Variants in DNER observed in about 807,000 individuals in gnomAD.
The protein encoded by DNER is delta and Notch-like epidermal growth factor-related receptor.
Under a neutral mutation model 78.2 loss-of-function variants are expected in DNER, and 33 were observed. That is an observed-to-expected ratio of 0.42 (90% CI 0.32 to 0.56). The LOEUF is 0.56. DNER is among the 20% of genes least tolerant of loss of function. The pLI, the probability that DNER is intolerant of heterozygous loss-of-function variation, is 0.11. For missense variants in DNER, 918 were observed against 975.3 expected, an observed-to-expected ratio of 0.94 and a Z score of 0.78; for synonymous variants, 417 against 384.8, an observed-to-expected ratio of 1.08 and a Z score of -0.98.
At chr2:229,616,137 G>T (rs891419329) in intron 1 of DNER, among the ~76,000 whole-genome samples, 7 of 152,178 alleles carry the variant, frequency 4.6e-5, no homozygotes, top group African/African-American at 1.4e-4. Context: ...TTTTGCTGCA[G>T]CTAGTTGGTT....
intron 7 of DNER, among the ~76,000 whole-genome samples, chr2:229,472,925 G>A (rs1419564566): frequency 6.6e-6 from 1 of 152,186 alleles, no homozygotes; most frequent in Non-Finnish European, 1.5e-5. Flanking sequence ...TGTCCTGAAG[G>A]AGCGCAGCTA....
intron 11 of DNER, among the ~76,000 whole-genome samples, chr2:229,368,618 G>A (rs1446261745): frequency 6.6e-6 from 1 of 152,224 alleles, no homozygotes; most frequent in South Asian, 2.1e-4. Context: ...ACATTGAAAA[G>A]GTCAAAAGGA....
intron 4 of DNER, among the ~76,000 whole-genome samples, chr2:229,581,890 T>A (rs893705909): frequency 9.2e-5 from 14 of 152,180 alleles, no homozygotes; most frequent in African/African-American, 3.4e-4. Context: ...TTTTATTTAT[T>A]TATTTATTAT....
At chr2:229,389,100 A>C (rs1050456411) in intron 10 of DNER, among the ~76,000 whole-genome samples, 1 of 152,058 alleles carries the variant, frequency 6.6e-6, no homozygotes, top group African/African-American at 2.4e-5. Flanking sequence ...GGGTTAGTCT[A>C]AACCTGACCT....
At position 229,684,165 on chromosome 2, in the gene DNER, A is replaced by AGTGT. The variant is rs1392061568; in HGVS notation, c.276+29982_276+29983insACAC. Reference sequence around the variant, plus strand: ...GTATGTGAGAGAGAGAGAGAGAGAGAGAGAGTGTGTGTGTGTGTGTGTGTG... The same window carrying AGTGT: ...GTATGTGAGAGAGAGAGAGAGAGAGAGTGTGAGAGTGTGTGTGTGTGTGTGTGTG... On this transcript the variant is annotated intron_variant, in intron 1 of 12. Transcript: ENST00000341772. Among the ~76,000 whole-genome samples, 1,010 of 116,822 alleles carry AGTGT rather than the reference A, an allele frequency of 8.6e-3. 7 individuals carry two copies. Among genetic ancestry groups the AGTGT allele is most frequent in the South Asian group, 0.025 (80 of 3,168 alleles). The allele number at this position is 116,822 out of a possible 152,430, so 76.6% of individuals were successfully genotyped here.
chr2:229,641,091 G>C (rs573583574), intron 1 of DNER, among the ~76,000 whole-genome samples: 1 of 152,292 alleles, frequency 6.6e-6, no homozygotes, highest in Admixed American at 6.5e-5. Flanking sequence ...ACAGATGCAG[G>C]AGGAATAAAT....
chr2:229,412,040 C>G (rs1411438876), intron 9 of DNER, among the ~76,000 whole-genome samples: 1 of 151,650 alleles, frequency 6.6e-6, no homozygotes, highest in Non-Finnish European at 1.5e-5. Flanking sequence ...ATTGTATCAC[C>G]AAAAATTTCA....
rs948108121 is a variant in DNER at position 229,470,433 on chromosome 2, C to A, written c.1261+6707G>T. On this transcript the variant is annotated intron_variant, in intron 7 of 12. Transcript: ENST00000341772. ...CCCAGTGCTAATGAAAAAAAGCAGGCAACTAAAATTCCTTGCTGCATTTTT... is the reference window on the plus strand; with the variant it reads ...CCCAGTGCTAATGAAAAAAAGCAGGAAACTAAAATTCCTTGCTGCATTTTT... Among the ~76,000 whole-genome samples the A allele has an allele frequency of 2.0e-5, 3 of 152,080 alleles. No homozygotes were observed. In the South Asian group the frequency reaches 6.2e-4, roughly 32 times the overall value.
At chr2:229,432,811 A>G (rs1189194814) in intron 8 of DNER, among the ~76,000 whole-genome samples, 1 of 152,212 alleles carries the variant, frequency 6.6e-6, no homozygotes, top group Non-Finnish European at 1.5e-5. Context: ...CCACTAAGCT[A>G]TAGAATAGAA....
intron 10 of DNER, among the ~76,000 whole-genome samples, chr2:229,403,693 C>A (rs1693319460): frequency 6.6e-6 from 1 of 151,834 alleles, no homozygotes; most frequent in African/African-American, 2.4e-5. Context: ...GGGTGGGTCT[C>A]ATGAAAAAAT....
At chr2:229,708,908 G>A (rs1400476942) in intron 1 of DNER, among the ~76,000 whole-genome samples, 9 of 152,020 alleles carry the variant, frequency 5.9e-5, no homozygotes, top group East Asian at 3.8e-4. Context: ...CAAAAATTTC[G>A]ACAAGTTTTT....
At chr2:229,690,135 G>T (rs1699544328) in intron 1 of DNER, among the ~76,000 whole-genome samples, 1 of 152,130 alleles carries the variant, frequency 6.6e-6, no homozygotes, top group Non-Finnish European at 1.5e-5. Flanking sequence ...CCACTTGGGG[G>T]TTTCCTTTTG....
In DNER at chr2:229,714,441, CG is replaced by C; in HGVS notation, c.-19del. The C allele has an allele frequency of 8.9e-7, 1 of 1,121,722 alleles. No homozygotes were observed. Among genetic ancestry groups the C allele is most frequent in the East Asian group, 5.2e-5 (1 of 19,098 alleles). 69.5% of individuals were successfully genotyped at this position (1,121,722 alleles called of 1,614,324 possible). A position where few individuals can be genotyped will look rare whatever the true frequency, so the allele number is the denominator to read the frequency against. ...GGCTGCATGGCCGGCCGGGAGGGCG[CG>C]GGAGCCGGAGCCAGGACGCAGTGAC... On this transcript the variant is annotated 5_prime_UTR_variant, in exon 1 of 13. Transcript: ENST00000341772.
intron 6 of DNER, among the ~76,000 whole-genome samples, chr2:229,493,888 A>G (rs1029035225): frequency 6.6e-6 from 1 of 152,196 alleles, no homozygotes; most frequent in African/African-American, 2.4e-5. Flanking sequence ...TAAGAGTGGC[A>G]GCAGGATTTA....
rs757561835 is a variant in DNER at position 229,547,016 on chromosome 2, C to G, written c.924G>C (p.Val308=). ...AGTCATTTGCGTGACTCTCCCCCGGCACACAGGTGCTGACCTTCACCACCA... is the reference window on the plus strand; with the variant it reads ...AGTCATTTGCGTGACTCTCCCCCGGGACACAGGTGCTGACCTTCACCACCA... ...LTLVVKVSTC[V]PGESHANDLE... Residue 308 remains valine, a synonymous_variant, in exon 5 of 13, where the codon GTG becomes GTC. Coordinates refer to ENST00000341772, the MANE Select transcript of DNER (RefSeq NM_139072.4). The G allele has an allele frequency of 6.2e-7, 1 of 1,614,204 alleles. No individual in the cohort carries two copies. The highest frequency in any genetic ancestry group is 8.5e-7 in the Non-Finnish European group (1 of 1,180,016).
intron 6 of DNER, among the ~76,000 whole-genome samples, chr2:229,510,399 C>T (rs1695841549): frequency 6.6e-6 from 1 of 152,206 alleles, no homozygotes; most frequent in Non-Finnish European, 1.5e-5. Context: ...AGAACCCTGG[C>T]TCTAGTGTGC....
chr2:229,502,229 T>C (rs113628758), intron 6 of DNER, among the ~76,000 whole-genome samples: 3 of 152,224 alleles, frequency 2.0e-5, no homozygotes, highest in African/African-American at 7.2e-5. Flanking sequence ...TCAGTGCCCA[T>C]CAGAAGAACT....
At chr2:229,516,544 C>G (rs1394097903) in intron 5 of DNER, among the ~76,000 whole-genome samples, 1 of 152,100 alleles carries the variant, frequency 6.6e-6, no homozygotes, top group African/African-American at 2.4e-5. Flanking sequence ...TGAACAGTGA[C>G]CCTCAGAGAT....
intron 5 of DNER, among the ~76,000 whole-genome samples, chr2:229,521,506 T>C (rs16826090): frequency 0.035 from 5,262 of 152,242 alleles, 296 homozygotes; most frequent in African/African-American, 0.12. Context: ...ATTACATAGG[T>C]GACAGACACT....
Sources: gnomAD v4.1 joint callset for allele counts (sites outside exome capture counted in the v4.1 genomes callset) on GRCh38, gnomAD v4.1.1 for gene constraint, MANE v1.5 for transcripts, NCBI Gene and HGNC (gene_info 2026-07-23, HGNC 2026-07-21) for gene names.